The following CTSS variants were observed in gnomAD, a reference collection of about 807,000 sequenced individuals.
The protein encoded by CTSS is cathepsin S.
In CTSS, 15 loss-of-function variants were observed where a neutral mutation model predicts 39.9. The observed-to-expected ratio is 0.38, with a 90% confidence interval of 0.25 to 0.58. The LOEUF (loss-of-function observed/expected upper bound fraction) is 0.58, where lower values mean the gene tolerates loss of function less well. Among genes scored for constraint, CTSS ranks in the 20% least tolerant of loss-of-function variants. The pLI, the probability that CTSS is intolerant of heterozygous loss-of-function variation, is 0.70. For synonymous variants in CTSS, 126 were observed against 138.2 expected, an observed-to-expected ratio of 0.91 and a Z score of 0.62; for missense variants, 250 against 398.2, an observed-to-expected ratio of 0.63 and a Z score of 3.17.
At position 150,730,665 on chromosome 1, in the gene CTSS, C is replaced by T. The variant is rs895908584; in HGVS notation, c.*2381G>A. On this transcript the variant is annotated 3_prime_UTR_variant, in exon 8 of 8. Coordinates refer to ENST00000368985, the MANE Select transcript of CTSS (RefSeq NM_004079.5). ...ATTTTGTGTAGGGTGTCCTGAACCC[C>T]GTCACTAACCTCTAACTGAAAGTTA... The T allele has an allele frequency of 6.6e-6, 1 of 152,116 alleles. No individual in the cohort carries two copies. The highest frequency in any genetic ancestry group is 2.4e-5 in the African/African-American group (1 of 41,406). The allele number at this position is 152,116 out of a possible 1,614,324, so 9.4% of individuals were successfully genotyped here.
At chr1:150,758,764 C>T (rs1046732198) in intron 2 of CTSS, among the ~76,000 whole-genome samples, 1 of 151,240 alleles carries the variant, frequency 6.6e-6, no homozygotes. Context: ...GTTGCAGGCT[C>T]ATATTGAATT....
At chr1:150,747,908 G>T (rs1652921837) in intron 6 of CTSS, 29 bp from the exon 7 acceptor site, 1 of 1,396,950 alleles carries the variant, frequency 7.2e-7, no homozygotes. Flanking sequence ...TGGGAAAAAA[G>T]AGTGAATACT....
rs780325618 is a variant in CTSS, at chr1:150,764,698, A to G, written c.66T>C (p.Pro22=). ...AGAGATGCCAGTGGTGATCCAGGGT[A>G]GGATCTTTATGCAACTGTGCCACTG... ...SSAVAQLHKD[P]TLDHHWHLWK... is the part of the protein sequence containing the mutation. The change falls in exon 2 of 8, where the codon CCT becomes CCC. Residue 22 remains proline (P), a synonymous_variant. Transcript: ENST00000368985. The G allele has an allele frequency of 6.2e-7, 1 of 1,614,190 alleles. No homozygotes were observed. The highest frequency in any genetic ancestry group is 8.5e-7 in the Non-Finnish European group (1 of 1,180,002).
chr1:150,763,863 G>A (rs1181894451), intron 2 of CTSS, among the ~76,000 whole-genome samples: 1 of 152,166 alleles, frequency 6.6e-6, no homozygotes, highest in African/African-American at 2.4e-5. Flanking sequence ...CATCCCAAAT[G>A]TGGCCCTTCC....
chr1:150,748,712 G>A (rs893090112), intron 6 of CTSS, among the ~76,000 whole-genome samples: 3 of 151,688 alleles, frequency 2.0e-5, no homozygotes, highest in Admixed American at 1.3e-4. Flanking sequence ...CTCCCAAAGC[G>A]CTGGAATTAT....
At position 150,751,798 on chromosome 1, in the gene CTSS, A is replaced by T; in HGVS notation, c.610T>A (p.Tyr204Asn). ...DNKGIDSDAS[Y>N]PYKAMDQKCQ... ...AGACGCACCATGGCTTTGTAGGGAT[A>T]GGAAGCGTCTGAGTCGATGCCCTTG... Residue 204 changes from tyrosine (Y) to asparagine (N), a missense_variant, in exon 5 of 8, where the codon TAT becomes AAT. Transcript: ENST00000368985. The T allele has an allele frequency of 6.2e-7, 1 of 1,614,178 alleles. No individual in the cohort carries two copies. The highest frequency in any genetic ancestry group is 8.5e-7 in the Non-Finnish European group (1 of 1,179,994).
intron 2 of CTSS, among the ~76,000 whole-genome samples, chr1:150,763,636 A>G (rs1044690727): frequency 6.6e-6 from 1 of 152,164 alleles, no homozygotes; most frequent in Non-Finnish European, 1.5e-5. Context: ...TCATTTTTAT[A>G]CAAAATAATA....
intron 7 of CTSS, among the ~76,000 whole-genome samples, chr1:150,746,296 A>G (rs1439745541): frequency 6.6e-6 from 1 of 152,192 alleles, no homozygotes; most frequent in Non-Finnish European, 1.5e-5. Context: ...ACACAAAGAG[A>G]AACTCCAGGT....
chr1:150,738,666 A>C (rs1462572003), intron 7 of CTSS, among the ~76,000 whole-genome samples: 1 of 151,900 alleles, frequency 6.6e-6, no homozygotes, highest in Non-Finnish European at 1.5e-5. Context: ...AAAAAAAACT[A>C]TCTGTAGAGA....
chr1:150,746,924 G>T (rs1571098101), intron 7 of CTSS, among the ~76,000 whole-genome samples: 1 of 152,132 alleles, frequency 6.6e-6, no homozygotes, highest in Admixed American at 6.6e-5. Flanking sequence ...AGAGTTATAA[G>T]CCCAGACTCG....
At chr1:150,753,851 G>A (rs1490232814) in intron 4 of CTSS, among the ~76,000 whole-genome samples, 3 of 151,976 alleles carry the variant, frequency 2.0e-5, no homozygotes, top group South Asian at 2.1e-4. Flanking sequence ...TGAGATGGGA[G>A]GATCACTTGA....
intron 7 of CTSS, among the ~76,000 whole-genome samples, chr1:150,733,407 C>G (rs1039698219): frequency 6.6e-6 from 1 of 152,164 alleles, no homozygotes; most frequent in African/African-American, 2.4e-5. Flanking sequence ...TTTAATCCTC[C>G]TACTTTGCAA....
At chr1:150,765,625 T>C (rs1653358243) in intron 1 of CTSS, 73 bp downstream of exon 1, 1 of 152,148 alleles carries the variant, frequency 6.6e-6, no homozygotes, top group Non-Finnish European at 1.5e-5. Context: ...ATTTAAAACC[T>C]AGCAGGCAGA....
chr1:150,733,193 C>G, intron 7 of CTSS, 48 bp from the exon 8 acceptor site: 1 of 1,408,264 alleles, frequency 7.1e-7, no homozygotes, highest in Non-Finnish European at 1.0e-6. Flanking sequence ...ACAATCAAAC[C>G]ATGTTATCAA....
At chr1:150,735,455 A>T (rs943252356) in intron 7 of CTSS, among the ~76,000 whole-genome samples, 8 of 152,048 alleles carry the variant, frequency 5.3e-5, no homozygotes, top group Non-Finnish European at 5.9e-5. Flanking sequence ...CATTTTCATG[A>T]GCTCCTTTCT....
rs587707613 is a variant in CTSS, at chr1:150,748,959, G to A, written c.793+1047C>T. Among the ~76,000 whole-genome samples the A allele has an allele frequency of 2.6e-5, 4 of 152,240 alleles. No homozygotes were observed. The East Asian group carries it at 7.7e-4, about 29-fold the overall frequency. The stretch of plus-strand genomic sequence containing the variant: ...GATGTTACTTCATAATTTTGAGGGT[G>A]AGCTACAAACCACACCTATATAAGA... On this transcript the variant is annotated intron_variant, in intron 6 of 7. Coordinates refer to ENST00000368985, the MANE Select transcript of CTSS (RefSeq NM_004079.5).
In CTSS at chr1:150,751,823, G is replaced by T. The variant is rs1176003297; in HGVS notation, c.585C>A (p.Asn195Lys). The change falls in exon 5 of 8, where the codon AAC becomes AAA. Residue 195 changes from asparagine to lysine, a missense_variant. Coordinates refer to ENST00000368985, the MANE Select transcript of CTSS (RefSeq NM_004079.5). ...MTTAFQYIID[N>K]KGIDSDASYP... ...AGGAAGCGTCTGAGTCGATGCCCTT[G>T]TTATCAATGATGTACTGGAAAGCCG... 6.2e-6 allele frequency: 10 copies of T among 1,614,038 alleles called. No individual in the cohort carries two copies. The highest frequency in any genetic ancestry group is 1.3e-5 in the African/African-American group (1 of 74,896).
chr1:150,735,327 AT>A (rs1364203499), intron 7 of CTSS, among the ~76,000 whole-genome samples: 2 of 152,040 alleles, frequency 1.3e-5, no homozygotes, highest in African/African-American at 2.4e-5. Flanking sequence ...TGCAGGTCCT[AT>A]TTTTTTCTCT....
chr1:150,755,887 C>T (rs1345554006), intron 3 of CTSS, among the ~76,000 whole-genome samples: 1 of 152,120 alleles, frequency 6.6e-6, no homozygotes, highest in African/African-American at 2.4e-5. Flanking sequence ...ACACGGTGCA[C>T]TTTGGCTACA....
Sources: gnomAD v4.1 joint callset for allele counts (sites outside exome capture counted in the v4.1 genomes callset) on GRCh38, gnomAD v4.1.1 for gene constraint, MANE v1.5 for transcripts, NCBI Gene and HGNC (gene_info 2026-07-23, HGNC 2026-07-21) for gene names.